Variants in NXF1 observed in about 807,000 individuals in gnomAD.
The protein encoded by NXF1 is mRNA export factor TAP.
A neutral mutation model predicts 92.4 loss-of-function variants in NXF1; 43 were observed. That is an observed-to-expected ratio of 0.47 (90% CI 0.36 to 0.60). The LOEUF is 0.60. NXF1 is among the 20% of genes least tolerant of loss of function. The pLI, the probability that NXF1 is intolerant of heterozygous loss-of-function variation, is 0.00. For synonymous variants in NXF1, 288 were observed against 292.2 expected, an observed-to-expected ratio of 0.99 and a Z score of 0.15; for missense variants, 576 against 793.0, an observed-to-expected ratio of 0.73 and a Z score of 3.29.
chr11:62,801,674 T>G lies in NXF1; in HGVS notation c.640-43A>C, dbSNP rs1481864999. On this transcript the variant is annotated intron_variant, in intron 6 of 20. Coordinates refer to ENST00000294172, the MANE Select transcript of NXF1 (RefSeq NM_006362.5). ...GTTTAGTGGTCACTGGGTTTGTGTG[T>G]GGGGGGTGGGGGTGTGAGAAGTAGT... The G allele has an allele frequency of 3.0e-5, 48 of 1,593,944 alleles. 1 individual carries two copies. The Admixed American group carries it at 6.7e-4, about 22-fold the overall frequency.
Position 62,792,334 on chromosome 11 carries a change from A to G in NXF1, c.*142T>C. On this transcript the variant is annotated 3_prime_UTR_variant, in exon 21 of 21. Coordinates refer to ENST00000294172, the MANE Select transcript of NXF1 (RefSeq NM_006362.5). ...GAAGTCTTCCAGAAGGCAGGCGAGGAGAGGGATCAGGCAGCCCTCCCTCCC... is the reference window on the plus strand; with the variant it reads ...GAAGTCTTCCAGAAGGCAGGCGAGGGGAGGGATCAGGCAGCCCTCCCTCCC... 1.0e-6 allele frequency: 1 copy of G among 980,996 alleles called. No homozygotes were observed. The highest frequency in any genetic ancestry group is 1.6e-6 in the Non-Finnish European group (1 of 618,730). 60.8% of individuals were successfully genotyped at this position (980,996 alleles called of 1,614,324 possible). A position where few individuals can be genotyped will look rare whatever the true frequency, so the allele number is the denominator to read the frequency against.
Position 62,794,292 on chromosome 11 carries a change from T to C in NXF1, c.1726A>G (p.Thr576Ala). 6.2e-7 allele frequency: 1 copy of C among 1,614,076 alleles called. No homozygotes were observed. The highest frequency in any genetic ancestry group is 2.2e-5 in the East Asian group (1 of 44,894). ...CACTCGAGGTTCATGCCAGACTGGG[T>C]AGAGAATGCTTGCAACATTTCCTGC... is the stretch of plus-strand genomic sequence containing the variant. ...EQQEMLQAFS[T>A]QSGMNLEWSQ... The change falls in exon 19 of 21, where the codon ACC becomes GCC. Residue 576 changes from threonine (T) to alanine (A), a missense_variant. Thr to Ala is a moderately conservative substitution (Grantham distance 58). Around this residue, in one of 2 missense-constraint regions of NXF1, gnomAD observed 425 missense variants for 635.2 expected, o/e 0.67. Coordinates refer to ENST00000294172, the MANE Select transcript of NXF1 (RefSeq NM_006362.5).
chr11:62,792,403 T>C lies in NXF1; in HGVS notation c.*73A>G. On this transcript the variant is annotated 3_prime_UTR_variant, in exon 21 of 21. Transcript: ENST00000294172. ...CGGCCTCGGGCCAGACAGGAGGAGA[T>C]GACAGACGACAACCAGACGGTAATA... The C allele has an allele frequency of 1.3e-6, 2 of 1,587,344 alleles. No homozygotes were observed. The highest frequency in any genetic ancestry group is 1.1e-5 in the South Asian group (1 of 90,558).
At position 62,801,575 on chromosome 11, in the gene NXF1, G is replaced by A. The variant is rs1376689900; in HGVS notation, c.696C>T (p.Leu232=). The A allele has an allele frequency of 1.9e-6, 3 of 1,614,142 alleles. No individual in the cohort carries two copies. The South Asian group carries it at 3.3e-5, about 18-fold the overall frequency. ...GSQQALDLKG[L]RSDPDLVAQN... is the part of the protein sequence containing the mutation. ...TGTCAACCATACCTGGGTCTGAACG[G>A]AGGCCTTTGAGGTCAAGGGCTTGTT... The change falls in exon 7 of 21, where the codon CTC becomes CTT. Residue 232 remains leucine (L), a synonymous_variant. Coordinates refer to ENST00000294172, the MANE Select transcript of NXF1 (RefSeq NM_006362.5).
chr11:62,802,394 T>C (rs2084489005), intron 3 of NXF1, 134 bp from the exon 4 acceptor site: 2 of 665,914 alleles, frequency 3.0e-6, no homozygotes, highest in Non-Finnish European at 5.2e-6. Flanking sequence ...GGTTTTCTAC[T>C]TGAGATACAC....
At chr11:62,804,266 C>T (rs1207517134) in intron 1 of NXF1, 1 of 1,365,810 alleles carries the variant, frequency 7.3e-7, no homozygotes, top group Non-Finnish European at 9.6e-7. Context: ...TGTAACTGAA[C>T]ACAAATCAGA....
chr11:62,792,765 C>T (rs1348124860), intron 19 of NXF1, 64 bp from the exon 20 acceptor site: 1 of 1,555,060 alleles, frequency 6.4e-7, no homozygotes. Flanking sequence ...TGAAAGTCCA[C>T]TCCATAAAAG....
intron 19 of NXF1, among the ~76,000 whole-genome samples, chr11:62,793,669 C>A (rs960387306): frequency 2.7e-5 from 4 of 145,598 alleles, no homozygotes; most frequent in Non-Finnish European, 6.1e-5. Context: ...AGAGTGAGAC[C>A]CTGTCTCAAA....
chr11:62,801,519 A>G (rs774048190), intron 7 of NXF1, 43 bp downstream of exon 7: 7 of 1,610,678 alleles, frequency 4.3e-6, no homozygotes, highest in Non-Finnish European at 5.9e-6. Context: ...GACAGATCCC[A>G]CCTTATCACC....
intron 19 of NXF1, among the ~76,000 whole-genome samples, chr11:62,793,130 G>A (rs1055614887): frequency 1.5e-4 from 22 of 151,454 alleles, no homozygotes; most frequent in Non-Finnish European, 3.1e-4. Flanking sequence ...CCAGGCTGGA[G>A]TGCAGTGGCG....
At chr11:62,800,955 C>A in intron 9 of NXF1, 139 bp downstream of exon 9, 1 of 682,420 alleles carries the variant, frequency 1.5e-6, no homozygotes. Context: ...CTGCCTTGGC[C>A]TCCCAAAGTG....
At chr11:62,796,255 T>C (rs997411841) in intron 15 of NXF1, 32 bp downstream of exon 15, 2 of 1,613,784 alleles carry the variant, frequency 1.2e-6, no homozygotes, top group African/African-American at 1.3e-5. Flanking sequence ...CCCATGCCCT[T>C]TTCCCATATT....
At chr11:62,803,386 C>T in intron 3 of NXF1, 33 bp downstream of exon 3, 1 of 1,601,022 alleles carries the variant, frequency 6.2e-7, no homozygotes, top group Non-Finnish European at 8.6e-7. Flanking sequence ...CCTCCTATCT[C>T]TACTGTACCA....
Position 62,797,307 on chromosome 11 carries a change from A to G in NXF1, c.1122+11T>C, listed in dbSNP as rs759688161. On this transcript the variant is annotated intron_variant, in intron 12 of 20. Transcript: ENST00000294172. ...CCACACACAAGTTCTTACTCTGTCCATGCTTCCTACCTTGCAGGGCGGTAA... is the reference window on the plus strand; with the variant it reads ...CCACACACAAGTTCTTACTCTGTCCGTGCTTCCTACCTTGCAGGGCGGTAA... 1.2e-6 allele frequency: 2 copies of G among 1,614,052 alleles called. No individual in the cohort carries two copies. Among genetic ancestry groups the G allele is most frequent in the South Asian group, 1.1e-5 (1 of 91,092 alleles).
At position 62,805,423 on chromosome 11, in the gene NXF1, A is replaced by G. The variant is rs907402410; in HGVS notation, c.-67T>C. The G allele has an allele frequency of 5.0e-6, 8 of 1,603,440 alleles. No individual in the cohort carries two copies. Among genetic ancestry groups the G allele is most frequent in the East Asian group, 2.3e-5 (1 of 44,106 alleles). ...ACGCCGGCAAACAACCTAACTCCCAAGCGCTCAGGACCGAAGTGTCCCTAC... is the reference window on the plus strand; with the variant it reads ...ACGCCGGCAAACAACCTAACTCCCAGGCGCTCAGGACCGAAGTGTCCCTAC... On this transcript the variant is annotated 5_prime_UTR_variant, in exon 1 of 21. Coordinates refer to ENST00000294172, the MANE Select transcript of NXF1 (RefSeq NM_006362.5).
At chr11:62,792,770 T>C in intron 19 of NXF1, 69 bp from the exon 20 acceptor site, 1 of 1,479,918 alleles carries the variant, frequency 6.8e-7, no homozygotes, top group Non-Finnish European at 9.4e-7. Flanking sequence ...GTCCACTCCA[T>C]AAAAGCACCC....
Position 62,792,396 on chromosome 11 carries a change from G to A in NXF1, c.*80C>T. On this transcript the variant is annotated 3_prime_UTR_variant, in exon 21 of 21. Coordinates refer to ENST00000294172, the MANE Select transcript of NXF1 (RefSeq NM_006362.5). ...CACGGGGCGGCCTCGGGCCAGACAG[G>A]AGGAGATGACAGACGACAACCAGAC... The A allele has an allele frequency of 6.4e-7, 1 of 1,565,564 alleles. No homozygotes were observed.
chr11:62,797,621 A>T (rs1400466901), intron 11 of NXF1, among the ~76,000 whole-genome samples: 1 of 152,142 alleles, frequency 6.6e-6, no homozygotes, highest in Non-Finnish European at 1.5e-5. Flanking sequence ...TGGGAGGATC[A>T]CTTGAGCCTG....
chr11:62,794,643 G>A, intron 18 of NXF1: 1 of 591,034 alleles, frequency 1.7e-6, no homozygotes, highest in South Asian at 2.2e-5. Context: ...CCAACGCATG[G>A]ACTTTAGCTC....
Sources: gnomAD v4.1 joint callset for allele counts (sites outside exome capture counted in the v4.1 genomes callset) on GRCh38, gnomAD v4.1.1 for gene constraint, gnomAD v4.1.1 regional missense constraint, MANE v1.5 for transcripts, NCBI Gene and HGNC (gene_info 2026-07-23, HGNC 2026-07-21) for gene names.